ATP4A: variants seen among roughly 807,000 people sequenced by gnomAD.
ATP4A encodes ATPase H+/K+ transporting subunit alpha, also known as potassium-transporting ATPase alpha chain 1.
In ATP4A, 73 loss-of-function variants were observed where a neutral mutation model predicts 112.1. The observed-to-expected ratio is 0.65, with a 90% CI of 0.54 to 0.79. ATP4A has a LOEUF of 0.79. ATP4A is among the 30% of genes least tolerant of loss of function. ATP4A has a pLI of 0.00. For synonymous variants in ATP4A, 588 were observed against 588.9 expected, an observed-to-expected ratio of 1.00 and a Z score of 0.02; for missense variants, 1,081 against 1,425.9, an observed-to-expected ratio of 0.76 and a Z score of 3.90.
In ATP4A at chr19:35,555,740, C is replaced by T; in HGVS notation, c.1942G>A (p.Gly648Ser). Residue 648 changes from glycine (G) to serine (S), a missense_variant, in exon 13 of 22, where the codon GGC becomes AGC. Around this residue, in one of 3 missense-constraint regions of ATP4A, gnomAD observed 850 missense variants for 1,068.2 expected, o/e 0.80. Transcript: ENST00000262623. This position sits in a 1 kb window ranked among gnomAD's most constrained non-coding sequence, Gnocchi z 6.6. The stretch of plus-strand genomic sequence containing the variant: ...GCGATGTCCTCCACTGTCTCGCTGC[C>T]TTCCGAGATGATGCCCACACTGGCT... ...IAASVGIISEGSETVEDIAAR... is the reference protein window; with the variant it reads ...IAASVGIISESSETVEDIAAR... 1 of 1,613,774 alleles carries T rather than the reference C, an allele frequency of 6.2e-7. No individual in the cohort carries two copies. Among genetic ancestry groups the T allele is most frequent in the East Asian group, 2.2e-5 (1 of 44,874 alleles).
chr19:35,562,303 C>A (rs1439589242), intron 4 of ATP4A, 132 bp downstream of exon 4: 2 of 1,096,692 alleles, frequency 1.8e-6, no homozygotes, highest in East Asian at 5.2e-5. Flanking sequence ...CCTCCATGAC[C>A]CCTGTCTTGA....
At position 35,557,410 on chromosome 19, in the gene ATP4A, A is replaced by C. The variant is rs2071637223; in HGVS notation, c.1693+245T>G. On this transcript the variant is annotated intron_variant, in intron 11 of 21. Transcript: ENST00000262623. The surrounding 1 kb of genome is among the most constrained non-coding windows in gnomAD (Gnocchi z 4.4). Reference sequence around the variant, plus strand: ...CGAAGTTTAAGGCGTCAGGACAAAAATTGGGAGAGGTTAGAGGTCAGGATA... The same window carrying C: ...CGAAGTTTAAGGCGTCAGGACAAAACTTGGGAGAGGTTAGAGGTCAGGATA... 6.6e-6 allele frequency among the ~76,000 whole-genome samples: 1 copy of C among 152,166 alleles called. No homozygotes were observed.
Position 35,563,398 on chromosome 19 carries a change from T to C in ATP4A, c.142A>G (p.Lys48Glu). Residue 48 changes from lysine (K) to glutamate (E), a missense_variant, in exon 2 of 22, where the codon AAG becomes GAG. This residue lies in a region of ATP4A where 850 missense variants were observed against 1,068.2 expected (regional missense o/e 0.80). Transcript: ENST00000262623. ...KRKEKLENMK[K>E]EMEINDHQLS... is the part of the protein sequence containing the mutation. ...TCAGAGCTCACAATCTCCATCTCCT[T>C]CTTCATGTTCTCCAGCTTCTCCTTC... 1 of 1,613,326 alleles carries C rather than the reference T, an allele frequency of 6.2e-7. No individual in the cohort carries two copies.
At position 35,559,138 on chromosome 19, in the gene ATP4A, C is replaced by G. The variant is rs772502369; in HGVS notation, c.1110G>C (p.Lys370Asn). 1 of 1,614,194 alleles carries G rather than the reference C, an allele frequency of 6.2e-7. No individual in the cohort carries two copies. Among genetic ancestry groups the G allele is most frequent in the South Asian group, 1.1e-5 (1 of 91,088 alleles). The change falls in exon 8 of 22, where the codon AAG (lysine) becomes AAC (asparagine). Residue 370 changes from lysine to asparagine, a missense_variant. Lys to Asn is a moderately conservative substitution (Grantham distance 94, BLOSUM62 0). This residue lies in a region of ATP4A where 850 missense variants were observed against 1,068.2 expected (regional missense o/e 0.80). Transcript: ENST00000262623. The surrounding 1 kb of genome is among the most constrained non-coding windows in gnomAD (Gnocchi z 4.1). ...CCAATGTCTCCACCGCCTCCAGGTT[C>G]TTGACCACGCAGTTCTTACTGGCCA... ...KRLASKNCVV[K>N]NLEAVETLGS... is the part of the protein sequence containing the mutation.
chr19:35,558,379 A>G lies in ATP4A; in HGVS notation c.1483T>C (p.Ser495Pro). The stretch of plus-strand genomic sequence containing the variant: ...CTGCGCACCTGGAACTTGTTGGTGG[A>G]GTTGAAGGGTATCTCGCAGACTTTT... Reference protein sequence around the residue: ...FPKVCEIPFNSTNKFQLSIHT... With the variant: ...FPKVCEIPFNPTNKFQLSIHT... The change falls in exon 10 of 22, where the codon TCC becomes CCC. Residue 495 changes from serine to proline, a missense_variant. Ser to Pro is a moderately conservative substitution (Grantham distance 74). Transcript: ENST00000262623. This position sits in a 1 kb window ranked among gnomAD's most constrained non-coding sequence, Gnocchi z 5.1. The G allele has an allele frequency of 6.2e-7, 1 of 1,611,224 alleles. No homozygotes were observed. The highest frequency in any genetic ancestry group is 8.5e-7 in the Non-Finnish European group (1 of 1,178,946).
Position 35,560,671 on chromosome 19 carries a change from G to T in ATP4A, c.535-56C>A, listed in dbSNP as rs1177767788. On this transcript the variant is annotated intron_variant, in intron 5 of 21. Coordinates refer to ENST00000262623, the MANE Select transcript of ATP4A (RefSeq NM_000704.3). This position sits in a 1 kb window ranked among gnomAD's most constrained non-coding sequence, Gnocchi z 5.1. ...GACGGGGGTGGGGGTGGGAGCTGCTGCATGTGGGGAGGTAAAGGATGAGGA... is the reference window on the plus strand; with the variant it reads ...GACGGGGGTGGGGGTGGGAGCTGCTTCATGTGGGGAGGTAAAGGATGAGGA... The T allele has an allele frequency of 1.3e-6, 2 of 1,589,610 alleles. No individual in the cohort carries two copies. The highest frequency in any genetic ancestry group is 1.7e-6 in the Non-Finnish European group (2 of 1,164,948).
intron 16 of ATP4A, among the ~76,000 whole-genome samples, chr19:35,554,604 C>T (rs2071619753): frequency 6.6e-6 from 1 of 152,116 alleles, no homozygotes; most frequent in African/African-American, 2.4e-5. Flanking sequence ...TTTAGGGGCA[C>T]GTGTCTGTGA....
At position 35,560,618 on chromosome 19, in the gene ATP4A, G is replaced by A; in HGVS notation, c.535-3C>T. 1 of 1,608,954 alleles carries A rather than the reference G, an allele frequency of 6.2e-7. No individual in the cohort carries two copies. The highest frequency in any genetic ancestry group is 8.5e-7 in the Non-Finnish European group (1 of 1,177,110). On this transcript the variant is annotated splice_polypyrimidine_tract_variant and splice_region_variant and intron_variant, in intron 5 of 21. Coordinates refer to ENST00000262623, the MANE Select transcript of ATP4A (RefSeq NM_000704.3). The surrounding 1 kb of genome is among the most constrained non-coding windows in gnomAD (Gnocchi z 5.1). ...CCATCGCGGATGACAGTGGCTTGCT[G>A]CGGGGCAGGGGCACCAAAGTTGAGG...
intron 3 of ATP4A, 31 bp from the exon 4 acceptor site, chr19:35,562,669 T>A: frequency 6.5e-7 from 1 of 1,549,570 alleles, no homozygotes. Flanking sequence ...GAGGCGGTCC[T>A]GGGGGCTTTC....
At position 35,560,367 on chromosome 19, in the gene ATP4A, A is replaced by G; in HGVS notation, c.783T>C (p.Leu261=). 1 of 1,613,706 alleles carries G rather than the reference A, an allele frequency of 6.2e-7. No homozygotes were observed. Among genetic ancestry groups the G allele is most frequent in the Non-Finnish European group, 8.5e-7 (1 of 1,179,916 alleles). The change falls in exon 6 of 22, where the codon CTT becomes CTC. Residue 261 remains leucine, a synonymous_variant. Transcript: ENST00000262623. The surrounding 1 kb of genome is among the most constrained non-coding windows in gnomAD (Gnocchi z 5.1). The part of the protein sequence containing the change: ...RNIAFFSTMC[L]EGTVQGLVVN... ...GCAGGCGGGGGCTTCACAGACCCTC[A>G]AGGCACATGGTGGAGAAGAAGGCGA... is the stretch of plus-strand genomic sequence containing the variant.
In ATP4A at chr19:35,550,472, G is replaced by C. The variant is rs1042076701; in HGVS notation, c.*143C>G. On this transcript the variant is annotated 3_prime_UTR_variant, in exon 22 of 22. Coordinates refer to ENST00000262623, the MANE Select transcript of ATP4A (RefSeq NM_000704.3). This position sits in a 1 kb window ranked among gnomAD's most constrained non-coding sequence, Gnocchi z 4.1. ...AGTGGGCAGGTCCCTCCAAGTTTGG[G>C]GTGCCGTGGGCTACAGAAGCAGATA... 9.0e-7 allele frequency: 1 copy of C among 1,105,174 alleles called. No homozygotes were observed. Among genetic ancestry groups the C allele is most frequent in the African/African-American group, 1.6e-5 (1 of 63,632 alleles). The allele number at this position is 1,105,174 out of a possible 1,614,324, so 68.5% of individuals were successfully genotyped here.
In ATP4A at chr19:35,559,425, G is replaced by A. The variant is rs1424376451; in HGVS notation, c.1057-234C>T. Among the ~76,000 whole-genome samples the A allele has an allele frequency of 1.3e-5, 2 of 152,208 alleles. No individual in the cohort carries two copies. The highest frequency in any genetic ancestry group is 2.9e-5 in the Non-Finnish European group (2 of 68,032). ...CGAGGCCCCTCTCTGAGCTGTCCCA[G>A]CCGAGGTTCTGAAAATTCTCTTCAC... On this transcript the variant is annotated intron_variant, in intron 7 of 21. Transcript: ENST00000262623. The surrounding 1 kb of genome is among the most constrained non-coding windows in gnomAD (Gnocchi z 4.1).
rs2071643826 is a variant in ATP4A at position 35,558,159 on chromosome 19, A to G, written c.1500+203T>C. The stretch of plus-strand genomic sequence containing the variant: ...CTCCCCATGGACAGTCCCGCCGAGG[A>G]GAAGCTGTGGGCGGGGCTGGGTGGT... On this transcript the variant is annotated intron_variant, in intron 10 of 21. Coordinates refer to ENST00000262623, the MANE Select transcript of ATP4A (RefSeq NM_000704.3). The surrounding 1 kb of genome is among the most constrained non-coding windows in gnomAD (Gnocchi z 5.1). 2 of 703,202 alleles carry G rather than the reference A, an allele frequency of 2.8e-6. No homozygotes were observed. The highest frequency in any genetic ancestry group is 1.9e-5 in the South Asian group (1 of 52,092). The allele number at this position is 703,202 out of a possible 1,614,324, so 43.6% of individuals were successfully genotyped here.
At position 35,553,118 on chromosome 19, in the gene ATP4A, G is replaced by A. The variant is rs1266972717; in HGVS notation, c.2670C>T (p.Phe890=). ...YFTAMAQEGW[F]PLLCVGLRAQ... is the part of the protein sequence containing the mutation. ...CCCGCAGCCCCACGCACAGCAGTGG[G>A]AACCAGCCCTCCTGGGCCATTGCCG... Residue 890 remains phenylalanine, a synonymous_variant, in exon 18 of 22, where the codon TTC becomes TTT. Transcript: ENST00000262623. The A allele has an allele frequency of 6.2e-7, 1 of 1,611,008 alleles. No individual in the cohort carries two copies. Among genetic ancestry groups the A allele is most frequent in the Non-Finnish European group, 8.5e-7 (1 of 1,177,424 alleles).
In ATP4A at chr19:35,555,592, T is replaced by G; in HGVS notation, c.2007-2A>C. The G allele has an allele frequency of 6.3e-7, 1 of 1,577,994 alleles. No individual in the cohort carries two copies. The highest frequency in any genetic ancestry group is 8.7e-7 in the Non-Finnish European group (1 of 1,155,686). On this transcript the variant is annotated splice_acceptor_variant, in intron 13 of 21. Transcript: ENST00000262623. LOFTEE classifies it high-confidence loss of function. The surrounding 1 kb of genome is among the most constrained non-coding windows in gnomAD (Gnocchi z 6.6). The stretch of plus-strand genomic sequence containing the variant: ...TTGATCACACAGGCACGGGCATCCC[T>G]GGGGAGGAGATGGGAGGACCTCGCT...
rs774239291 is a variant in ATP4A at position 35,555,654 on chromosome 19, G to A, written c.2006+22C>T. 2.8e-5 allele frequency: 45 copies of A among 1,590,352 alleles called. No individual in the cohort carries two copies. Among genetic ancestry groups the A allele is most frequent in the East Asian group, 1.6e-4 (7 of 44,274 alleles). On this transcript the variant is annotated intron_variant, in intron 13 of 21. Transcript: ENST00000262623. The surrounding 1 kb of genome is among the most constrained non-coding windows in gnomAD (Gnocchi z 6.6). Reference sequence around the variant, plus strand: ...CTGTGCCAGATGTGGGGAGAACCCCGGGGAGGTCTGGGGGGGCTTACTTGC... The same window carrying A: ...CTGTGCCAGATGTGGGGAGAACCCCAGGGAGGTCTGGGGGGGCTTACTTGC...
chr19:35,562,730 A>C, intron 3 of ATP4A, 92 bp from the exon 4 acceptor site: 1 of 1,344,010 alleles, frequency 7.4e-7, no homozygotes, highest in Admixed American at 2.2e-5. Flanking sequence ...TCCCTTCTCC[A>C]GCTTGGTCTG....
In ATP4A at chr19:35,555,825, C is replaced by T. The variant is rs754606914; in HGVS notation, c.1870-13G>A. The T allele has an allele frequency of 9.4e-6, 15 of 1,598,548 alleles. No individual in the cohort carries two copies. The highest frequency in any genetic ancestry group is 1.2e-5 in the Non-Finnish European group (14 of 1,168,280). On this transcript the variant is annotated splice_polypyrimidine_tract_variant and intron_variant, in intron 12 of 21. Coordinates refer to ENST00000262623, the MANE Select transcript of ATP4A (RefSeq NM_000704.3). This position sits in a 1 kb window ranked among gnomAD's most constrained non-coding sequence, Gnocchi z 6.6. ...TTACCATGATCACCTGTAGGGGGAA[C>T]CAGTGGATCACTGACCCCTTCAGAT...
chr19:35,556,437 A>C lies in ATP4A; in HGVS notation c.1869+476T>G, dbSNP rs535261999. On this transcript the variant is annotated intron_variant, in intron 12 of 21. Transcript: ENST00000262623. ...GTTTGGGGAACCACTCCTCTCCCCTACACCATCAGTTGCAGTGAGGTCCCT... is the reference window on the plus strand; with the variant it reads ...GTTTGGGGAACCACTCCTCTCCCCTCCACCATCAGTTGCAGTGAGGTCCCT... Among the ~76,000 whole-genome samples, 24 of 152,310 alleles carry C rather than the reference A, an allele frequency of 1.6e-4. No individual in the cohort carries two copies. In the South Asian group the frequency reaches 3.3e-3, roughly 21 times the overall value.
Sources: gnomAD v4.1 joint callset for allele counts (sites outside exome capture counted in the v4.1 genomes callset) on GRCh38, gnomAD v4.1.1 for gene constraint, gnomAD v4.1.1 regional missense constraint, Gnocchi (gnomAD v3.1) non-coding constraint, MANE v1.5 for transcripts, NCBI Gene and HGNC (gene_info 2026-07-23, HGNC 2026-07-21) for gene names.